MGAT4C: variants seen among roughly 807,000 people sequenced by gnomAD.
MGAT4C encodes the protein alpha-1,3-mannosyl-glycoprotein 4-beta-N-acetylglucosaminyltransferase C.
A neutral mutation model predicts 40.1 loss-of-function variants in MGAT4C; 19 were observed. The ratio of observed to expected loss-of-function variants is 0.47; its 90% confidence interval spans 0.33 to 0.70. The LOEUF (loss-of-function observed/expected upper bound fraction) is 0.70. Among genes scored for constraint, MGAT4C ranks in the 30% least tolerant of loss-of-function variants. The pLI is 0.02. For missense variants in MGAT4C, 491 were observed against 563.2 expected (o/e 0.87, Z 1.30); for synonymous variants, 181 against 187.1 (o/e 0.97, Z 0.27).
chr12:86,443,216 A>C (rs1443469017), intron 2 of MGAT4C, among the ~76,000 whole-genome samples: 2 of 151,924 alleles, frequency 1.3e-5, no homozygotes, highest in African/African-American at 4.8e-5. Context: ...ACACACACAC[A>C]CACACATATA....
chr12:86,250,275 C>T (rs1455098542), intron 1 of MGAT4C, among the ~76,000 whole-genome samples: 1 of 151,180 alleles, frequency 6.6e-6, no homozygotes, highest in Non-Finnish European at 1.5e-5. Context: ...GTATTAAGTA[C>T]ATGTTAGATG....
At chr12:86,295,152 C>A (rs138762352) in intron 4 of MGAT4C, among the ~76,000 whole-genome samples, 3 of 152,102 alleles carry the variant, frequency 2.0e-5, no homozygotes, top group South Asian at 4.2e-4. Flanking sequence ...TATTTTAGTT[C>A]TCTGAAAAAT....
intron 1 of MGAT4C, among the ~76,000 whole-genome samples, chr12:86,106,704 T>G (rs780082065): frequency 5.9e-5 from 9 of 152,094 alleles, no homozygotes; most frequent in Non-Finnish European, 1.3e-4. Flanking sequence ...ATCCTTTAGT[T>G]ATGTGTTTGT....
chr12:86,811,336 A>ATTTTTTTT (rs553885593), intron 1 of MGAT4C, among the ~76,000 whole-genome samples: 6 of 106,946 alleles, frequency 5.6e-5, no homozygotes, highest in Non-Finnish European at 9.8e-5. Context: ...CACTCATAGT[A>ATTTTTTTT]TTTTTTTTTT....
rs528198711 is a variant in MGAT4C, at chr12:86,022,531, G to A, written c.-7+27143C>T. ...GCTTGACACCAGCCTGGGCAACGTAGTGAGAACTTGTCTCTATGAAAAATG... is the reference window on the plus strand; with the variant it reads ...GCTTGACACCAGCCTGGGCAACGTAATGAGAACTTGTCTCTATGAAAAATG... On this transcript the variant is annotated intron_variant, in intron 2 of 4. Coordinates refer to ENST00000611864, the MANE Select transcript of MGAT4C (RefSeq NM_001351288.2). The A allele has an allele frequency of 2.0e-5, 3 of 152,304 alleles. No individual in the cohort carries two copies. The East Asian group carries it at 5.8e-4, about 29-fold the overall frequency. The allele number at this position is 152,304 out of a possible 1,614,324, so 9.4% of individuals were successfully genotyped here.
chr12:86,260,877 C>T (rs563377010), upstream of MGAT4C, among the ~76,000 whole-genome samples: 1 of 151,832 alleles, frequency 6.6e-6, no homozygotes, highest in South Asian at 2.1e-4. Flanking sequence ...TTCCCATATC[C>T]CATTATATTT....
intron 1 of MGAT4C, among the ~76,000 whole-genome samples, chr12:86,073,611 T>C (rs369715526): frequency 6.6e-6 from 1 of 151,906 alleles, no homozygotes; most frequent in East Asian, 1.9e-4. Flanking sequence ...ATTTGGGAAC[T>C]GGAGTTAAGG....
intron 1 of MGAT4C, among the ~76,000 whole-genome samples, chr12:86,210,568 T>C (rs1284956965): frequency 6.6e-6 from 1 of 152,216 alleles, no homozygotes; most frequent in Admixed American, 6.5e-5. Flanking sequence ...GGCTTCCAAT[T>C]AGAAATCAGT....
chr12:86,719,899 A>G (rs1950709933), intron 2 of MGAT4C, among the ~76,000 whole-genome samples: 1 of 152,178 alleles, frequency 6.6e-6, no homozygotes, highest in Non-Finnish European at 1.5e-5. Flanking sequence ...CTGTTATTTT[A>G]CAGAGATTAT....
chr12:86,367,911 C>T (rs758589474), intron 3 of MGAT4C, among the ~76,000 whole-genome samples: 1 of 152,170 alleles, frequency 6.6e-6, no homozygotes, highest in Non-Finnish European at 1.5e-5. Context: ...GCCAGAAGCG[C>T]CTCTCAGGTT....
chr12:86,278,098 A>T (rs2136114530), intron 4 of MGAT4C, among the ~76,000 whole-genome samples: 1 of 144,558 alleles, frequency 6.9e-6, no homozygotes, highest in South Asian at 2.2e-4. Context: ...TATTGCAGAG[A>T]TTTTTTTCAC....
chr12:86,173,223 A>C (rs895933818), intron 1 of MGAT4C, among the ~76,000 whole-genome samples: 6 of 152,118 alleles, frequency 3.9e-5, no homozygotes, highest in African/African-American at 7.2e-5. Context: ...TTCATTACTA[A>C]GAACACTTAA....
rs1157834686 is a variant in MGAT4C at position 85,962,836 on chromosome 12, G to T, written c.*16453C>A. 2 of 151,356 alleles carry T rather than the reference G, an allele frequency of 1.3e-5. No individual in the cohort carries two copies. The highest frequency in any genetic ancestry group is 3.0e-5 in the Non-Finnish European group (2 of 67,616). 9.4% of individuals were successfully genotyped at this position (151,356 alleles called of 1,614,324 possible). ...TTCCACTCATTAAATAACATGGTAA[G>T]ACTGTTGTGTAATTGACTGAATAGT... On this transcript the variant is annotated 3_prime_UTR_variant, in exon 5 of 5. Coordinates refer to ENST00000611864, the MANE Select transcript of MGAT4C (RefSeq NM_001351288.2).
intron 4 of MGAT4C, among the ~76,000 whole-genome samples, chr12:86,285,699 T>C (rs1953336191): frequency 6.6e-6 from 1 of 151,862 alleles, no homozygotes; most frequent in Non-Finnish European, 1.5e-5. Flanking sequence ...ATACCCCTGA[T>C]GTCTTTAGAG....
intron 4 of MGAT4C, among the ~76,000 whole-genome samples, chr12:86,316,713 G>T (rs1954243009): frequency 6.6e-6 from 1 of 152,142 alleles, no homozygotes; most frequent in African/African-American, 2.4e-5. Flanking sequence ...CTATTGGTGG[G>T]GAGGGATGAA....
Position 85,980,168 on chromosome 12 carries a change from T to C in MGAT4C, c.558A>G (p.Lys186=). Residue 186 remains lysine (K), a synonymous_variant, in exon 5 of 5, where the codon AAA becomes AAG. Transcript: ENST00000611864. ...EEYYPILDGL[K]RNYNDPEDRV... ...TATCTTCTGGATCATTGTAATTTCT[T>C]TTAAGGCCATCTAGGATTGGGTAAT... 1 of 1,613,966 alleles carries C rather than the reference T, an allele frequency of 6.2e-7. No individual in the cohort carries two copies. The highest frequency in any genetic ancestry group is 8.5e-7 in the Non-Finnish European group (1 of 1,179,890).
intron 3 of MGAT4C, among the ~76,000 whole-genome samples, chr12:86,377,406 A>G (rs981572451): frequency 4.6e-5 from 7 of 152,040 alleles, no homozygotes; most frequent in African/African-American, 7.2e-5. Context: ...TTTTCCTATT[A>G]TTTTAAAATG....
chr12:86,837,832 A>T (rs1161386339), intron 1 of MGAT4C, among the ~76,000 whole-genome samples: 1 of 152,174 alleles, frequency 6.6e-6, no homozygotes. Flanking sequence ...ACTTTTCAGA[A>T]ACAGACACGG....
intron 2 of MGAT4C, among the ~76,000 whole-genome samples, chr12:86,582,019 A>G (rs1166985415): frequency 6.6e-6 from 1 of 151,456 alleles, no homozygotes; most frequent in Non-Finnish European, 1.5e-5. Flanking sequence ...TATGATAAGT[A>G]CAAGTTTTTG....
Sources: gnomAD v4.1 joint callset for allele counts (sites outside exome capture counted in the v4.1 genomes callset) on GRCh38, gnomAD v4.1.1 for gene constraint, MANE v1.5 for transcripts, NCBI Gene and HGNC (gene_info 2026-07-23, HGNC 2026-07-21) for gene names.